Variants in DRC9 observed in about 807,000 individuals in gnomAD.
The protein encoded by DRC9 is dynein regulatory complex subunit 9, also known as dynein regulatory complex protein 9.
the DRC9 span, chr3:197,950,066 T>G: frequency 1.2e-4 from 137 of 1,108,856 alleles, no homozygotes; most frequent in East Asian, 4.2e-3. Context: ...CTATTGAATG[T>G]GGCTTATTTC....
chr3:197,944,081 A>G, the DRC9 span: 23 of 1,590,726 alleles, frequency 1.4e-5, no homozygotes, highest in Non-Finnish European at 2.0e-5. Context: ...AAAATAAGTC[A>G]GCAACCAATA....
At chr3:197,889,334 G>C in the DRC9 span, 1 of 524,518 alleles carries the variant, frequency 1.9e-6, no homozygotes, top group Non-Finnish European at 3.4e-6. Context: ...AGGACTACTA[G>C]AAACTTCTTC....
At chr3:197,920,037 T>TAAA in the DRC9 span, among the ~76,000 whole-genome samples, 8 of 138,346 alleles carry the variant, frequency 5.8e-5, no homozygotes, top group South Asian at 2.3e-4. Context: ...CCATCTCTAC[T>TAAA]AAAAAAAAAA....
At chr3:197,927,282 A>C in the DRC9 span, among the ~76,000 whole-genome samples, 1 of 152,186 alleles carries the variant, frequency 6.6e-6, no homozygotes, top group Non-Finnish European at 1.5e-5. Flanking sequence ...GCTGGAGTGC[A>C]GTGGCACGAT....
the DRC9 span, among the ~76,000 whole-genome samples, chr3:197,897,148 A>C: frequency 5.3e-5 from 8 of 152,298 alleles, no homozygotes; most frequent in African/African-American, 1.7e-4. Context: ...TGTAAAAAAA[A>C]AACTATACAG....
the DRC9 span, among the ~76,000 whole-genome samples, chr3:197,947,111 G>A: frequency 3.3e-5 from 5 of 152,110 alleles, no homozygotes; most frequent in South Asian, 2.1e-4. Flanking sequence ...GCGCCCAGGC[G>A]GATTTTACTT....
the DRC9 span, chr3:197,914,004 C>T: frequency 6.2e-7 from 1 of 1,614,114 alleles, no homozygotes; most frequent in African/African-American, 1.3e-5. Flanking sequence ...TCATCTCTTG[C>T]AGTTGGTCCT....
At chr3:197,958,711 G>A in the DRC9 span, 4 of 152,272 alleles carry the variant, frequency 2.6e-5, no homozygotes, top group African/African-American at 7.2e-5. Context: ...AATGGCAAAT[G>A]AGACTCAAAA....
At chr3:197,889,380 T>C in the DRC9 span, 4 of 622,206 alleles carry the variant, frequency 6.4e-6, no homozygotes, top group Non-Finnish European at 1.1e-5. Context: ...GTCAATGGTG[T>C]AATCCTAAAT....
At chr3:197,948,291 T>C in the DRC9 span, among the ~76,000 whole-genome samples, 2 of 152,196 alleles carry the variant, frequency 1.3e-5, no homozygotes, top group Admixed American at 1.3e-4. Context: ...CACCTGCAGT[T>C]TGAAAAATGC....
the DRC9 span, among the ~76,000 whole-genome samples, chr3:197,905,105 G>A: frequency 5.3e-5 from 8 of 152,280 alleles, no homozygotes; most frequent in South Asian, 2.1e-4. Context: ...GGGATGCGGA[G>A]GGTGTGGGGA....
chr3:197,893,582 G>T, the DRC9 span, among the ~76,000 whole-genome samples: 36 of 151,898 alleles, frequency 2.4e-4, no homozygotes, highest in African/African-American at 7.2e-4. Context: ...AGTGGCTCAC[G>T]TCTGGAATCC....
At chr3:197,913,404 T>A in the DRC9 span, 1 of 269,966 alleles carries the variant, frequency 3.7e-6, no homozygotes, top group Non-Finnish European at 7.1e-6. Context: ...ATCTACCACT[T>A]CTTTCTTCCT....
At chr3:197,943,911 G>A in the DRC9 span, 1,340 of 1,613,936 alleles carry the variant, frequency 8.3e-4, 4 homozygotes, top group Non-Finnish European at 9.6e-4. Context: ...TAGAGTTTCC[G>A]GGATTTCTGG....
At chr3:197,905,620 C>A in the DRC9 span, among the ~76,000 whole-genome samples, 1 of 151,932 alleles carries the variant, frequency 6.6e-6, no homozygotes, top group Non-Finnish European at 1.5e-5. Context: ...TGGTGGCAGG[C>A]GCCTGTAATC....
the DRC9 span, among the ~76,000 whole-genome samples, chr3:197,909,704 A>C: frequency 6.6e-6 from 1 of 152,204 alleles, no homozygotes; most frequent in Non-Finnish European, 1.5e-5. Context: ...TTAAGAAACA[A>C]ATACTAGGCC....
the DRC9 span, among the ~76,000 whole-genome samples, chr3:197,922,789 A>G: frequency 1.3e-5 from 2 of 151,844 alleles, no homozygotes; most frequent in Admixed American, 1.3e-4. Flanking sequence ...TATCTTCTAT[A>G]AGATAATGTC....
chr3:197,953,361 A>T, the DRC9 span: 1 of 444,978 alleles, frequency 2.2e-6, no homozygotes, highest in African/African-American at 2.0e-5. Flanking sequence ...GGGTGACAAG[A>T]CAACCCCGTG....
At chr3:197,897,937 ATTT>A in the DRC9 span, among the ~76,000 whole-genome samples, 1 of 133,072 alleles carries the variant, frequency 7.5e-6, no homozygotes. Flanking sequence ...CGCCCAGCTA[ATTT>A]TTTTTTTTTT....
Sources: gnomAD v4.1 joint callset for allele counts (sites outside exome capture counted in the v4.1 genomes callset) on GRCh38, gnomAD v4.1.1 for gene constraint, MANE v1.5 for transcripts, NCBI Gene and HGNC (gene_info 2026-07-23, HGNC 2026-07-21) for gene names.